The following GABRA4 variants were observed in gnomAD, a reference collection of about 807,000 sequenced individuals.
GABRA4 encodes the protein gamma-aminobutyric acid type A receptor subunit alpha4, also known as gamma-aminobutyric acid receptor subunit alpha-4.
GABRA4 carries 12 observed loss-of-function variants against 49.7 expected under a neutral mutation model. The observed-to-expected ratio is 0.24, with a 90% CI of 0.15 to 0.39. The LOEUF is 0.39. GABRA4 is among the 10% of genes least tolerant of loss of function. The probability of loss-of-function intolerance (pLI) is 1.00; values close to 1 mark genes in which losing one functional copy is unlikely to be tolerated. For synonymous variants in GABRA4, 288 were observed against 240.2 expected (o/e 1.20, Z -1.84); for missense variants, 506 against 686.0 (o/e 0.74, Z 2.93).
At chr4:46,933,094 G>A (rs976010269) in intron 8 of GABRA4, among the ~76,000 whole-genome samples, 2 of 152,226 alleles carry the variant, frequency 1.3e-5, no homozygotes, top group South Asian at 4.1e-4. Context: ...TGAGAGTGGG[G>A]TGTGCAACAT....
At chr4:46,950,907 G>A (rs926551308) in intron 8 of GABRA4, among the ~76,000 whole-genome samples, 3 of 151,898 alleles carry the variant, frequency 2.0e-5, no homozygotes, top group Admixed American at 1.3e-4. Context: ...TATTAGAGCA[G>A]GCGAGTATTA....
chr4:46,965,162 G>C lies in GABRA4; in HGVS notation c.942C>G (p.Ser314=). 6.2e-7 allele frequency: 1 copy of C among 1,610,056 alleles called. No individual in the cohort carries two copies. The highest frequency in any genetic ancestry group is 2.2e-5 in the East Asian group (1 of 44,722). ...TGAACCAGTCCATGGCGGTAGCATA[G>C]GACACTTTGGGCAAAGAATGTCGTG... The part of the protein sequence containing the change: ...ISARHSLPKV[S]YATAMDWFIA... The change falls in exon 8 of 9, where the codon TCC becomes TCG. Residue 314 remains serine (S), a synonymous_variant. Transcript: ENST00000264318.
At chr4:46,961,371 C>G (rs368825197) in intron 8 of GABRA4, among the ~76,000 whole-genome samples, 16 of 151,946 alleles carry the variant, frequency 1.1e-4, no homozygotes, top group African/African-American at 3.9e-4. Context: ...TTCCTGTCCC[C>G]TTTAGTGCTT....
At chr4:46,992,986 A>T in intron 1 of GABRA4, 40 bp from the exon 2 acceptor site, 1 of 1,427,990 alleles carries the variant, frequency 7.0e-7, no homozygotes. Flanking sequence ...GGAGGAGATT[A>T]TTTTAAGAAT....
intron 8 of GABRA4, among the ~76,000 whole-genome samples, chr4:46,933,581 T>C (rs1023623201): frequency 6.6e-6 from 1 of 152,182 alleles, no homozygotes; most frequent in Non-Finnish European, 1.5e-5. Flanking sequence ...TTTTACTCTG[T>C]TAAAAGTAGT....
Position 46,928,411 on chromosome 4 carries a change from T to A in GABRA4, c.1479A>T (p.Ile493=). The change falls in exon 9 of 9, where the codon ATA becomes ATT. Residue 493 remains isoleucine (I), a synonymous_variant. Transcript: ENST00000264318. ...TAGCTGACAACTTCCCAGTAGCCCCTATGGTATTAACTGTGGTCTTTATCC... is the reference window on the plus strand; with the variant it reads ...TAGCTGACAACTTCCCAGTAGCCCCAATGGTATTAACTGTGGTCTTTATCC... ...LQRIKTTVNT[I]GATGKLSATP... The A allele has an allele frequency of 6.2e-7, 1 of 1,613,658 alleles. No homozygotes were observed. The highest frequency in any genetic ancestry group is 8.5e-7 in the Non-Finnish European group (1 of 1,179,686).
rs1721238604 is a variant in GABRA4, at chr4:46,926,615, T to A, written c.*1610A>T. The stretch of plus-strand genomic sequence containing the variant: ...AGAGAGAGAGATTTTGTCTGCAAGG[T>A]GGTCATTTCTATCAATATGTTCCCT... On this transcript the variant is annotated 3_prime_UTR_variant, in exon 9 of 9. Coordinates refer to ENST00000264318, the MANE Select transcript of GABRA4 (RefSeq NM_000809.4). The A allele has an allele frequency of 1.3e-5, 2 of 151,894 alleles. No individual in the cohort carries two copies. The highest frequency in any genetic ancestry group is 4.1e-4 in the South Asian group (2 of 4,824). 9.4% of individuals were successfully genotyped at this position (151,894 alleles called of 1,614,324 possible).
chr4:46,977,148 G>A lies in GABRA4; in HGVS notation c.495-5C>T. 6.4e-7 allele frequency: 1 copy of A among 1,566,626 alleles called. No individual in the cohort carries two copies. The highest frequency in any genetic ancestry group is 8.7e-7 in the Non-Finnish European group (1 of 1,147,628). On this transcript the variant is annotated splice_polypyrimidine_tract_variant and splice_region_variant and intron_variant, in intron 4 of 8. Transcript: ENST00000264318. Reference sequence around the variant, plus strand: ...CACTCCGCACTTATGGTGAGTCTATGATGAAAAATGCAATTAAATAAAATC... The same window carrying A: ...CACTCCGCACTTATGGTGAGTCTATAATGAAAAATGCAATTAAATAAAATC...
intron 8 of GABRA4, among the ~76,000 whole-genome samples, chr4:46,947,890 A>G (rs1027951914): frequency 3.9e-5 from 6 of 152,112 alleles, no homozygotes; most frequent in African/African-American, 1.4e-4. Context: ...TCAGGTAAGC[A>G]GCATTCACTC....
chr4:46,944,642 C>T (rs1369194788), intron 8 of GABRA4, among the ~76,000 whole-genome samples: 1 of 152,078 alleles, frequency 6.6e-6, no homozygotes, highest in African/African-American at 2.4e-5. Flanking sequence ...TCTCTTCTCA[C>T]TGTCTTCTCT....
chr4:46,960,966 T>C (rs1262621758), intron 8 of GABRA4, among the ~76,000 whole-genome samples: 1 of 151,782 alleles, frequency 6.6e-6, no homozygotes, highest in Non-Finnish European at 1.5e-5. Flanking sequence ...CTATCATGGC[T>C]TCAATACAAC....
At chr4:46,989,216 TC>T (rs1463016657) in intron 2 of GABRA4, among the ~76,000 whole-genome samples, 2 of 152,226 alleles carry the variant, frequency 1.3e-5, no homozygotes, top group African/African-American at 4.8e-5. Flanking sequence ...ACGGCAGGTT[TC>T]CTAAACCATT....
In GABRA4 at chr4:46,941,551, T is replaced by C. The variant is rs886897366; in HGVS notation, c.1135-12796A>G. Among the ~76,000 whole-genome samples the C allele has an allele frequency of 5.3e-5, 8 of 152,206 alleles. 2 individuals are homozygous for C. Among genetic ancestry groups the C allele is most frequent in the Admixed American group, 1.3e-4 (2 of 15,272 alleles). On this transcript the variant is annotated intron_variant, in intron 8 of 8. Coordinates refer to ENST00000264318, the MANE Select transcript of GABRA4 (RefSeq NM_000809.4). ...TATTGTTATCATTTAATATTCTAAC[T>C]CAGATCTGTAGATGGCCCCTGTCAG...
intron 2 of GABRA4, among the ~76,000 whole-genome samples, chr4:46,985,424 G>C (rs1017348411): frequency 3.9e-5 from 6 of 151,996 alleles, no homozygotes; most frequent in Admixed American, 3.9e-4. Context: ...TGATTGAATA[G>C]ATGAAAAGAC....
chr4:46,943,948 T>C (rs1721898711), intron 8 of GABRA4, among the ~76,000 whole-genome samples: 1 of 151,958 alleles, frequency 6.6e-6, no homozygotes, highest in African/African-American at 2.4e-5. Flanking sequence ...AATTTCTCAG[T>C]AGAATGGTGG....
At chr4:46,974,492 A>G (rs550672708) in intron 5 of GABRA4, 117 bp from the exon 6 acceptor site, 2 of 988,858 alleles carry the variant, frequency 2.0e-6, no homozygotes, top group East Asian at 2.7e-5. Flanking sequence ...AACAATGTTC[A>G]CTATAATTTA....
At chr4:46,929,568 G>A (rs1425285051) in intron 8 of GABRA4, among the ~76,000 whole-genome samples, 1 of 151,976 alleles carries the variant, frequency 6.6e-6, no homozygotes, top group East Asian at 1.9e-4. Context: ...AGAAAGTTGT[G>A]CAGTAAACCA....
intron 8 of GABRA4, among the ~76,000 whole-genome samples, chr4:46,945,938 G>T (rs748040814): frequency 2.0e-5 from 3 of 152,112 alleles, no homozygotes; most frequent in Non-Finnish European, 4.4e-5. Context: ...AGAATAAGCA[G>T]TCAAAGCAAT....
At chr4:46,939,593 A>AAT (rs1005937770) in intron 8 of GABRA4, among the ~76,000 whole-genome samples, 14 of 152,012 alleles carry the variant, frequency 9.2e-5, no homozygotes, top group Non-Finnish European at 1.8e-4. Context: ...TGGAATAGAA[A>AAT]ATATATATAC....
Sources: allele counts gnomAD v4.1 joint callset (sites outside exome capture counted in the v4.1 genomes callset), GRCh38; gene constraint gnomAD v4.1.1; transcripts MANE v1.5; gene names NCBI Gene and HGNC (gene_info 2026-07-23, HGNC 2026-07-21).